USP38: variants seen among roughly 807,000 people sequenced by gnomAD.
The protein encoded by USP38 is ubiquitin carboxyl-terminal hydrolase 38.
In USP38, 49 loss-of-function variants were observed where a neutral mutation model predicts 94.3. That is an observed-to-expected ratio of 0.52 (90% CI 0.41 to 0.66). USP38 has a LOEUF of 0.66. Among genes scored for constraint, USP38 ranks in the 30% least tolerant of loss-of-function variants. USP38 has a pLI of 0.00. For synonymous variants in USP38, 468 were observed against 463.6 expected, an observed-to-expected ratio of 1.01 and a Z score of -0.12; for missense variants, 1,128 against 1,229.4, an observed-to-expected ratio of 0.92 and a Z score of 1.23.
chr4:143,185,295 C>G lies in USP38; in HGVS notation c.-156C>G. 1.2e-6 allele frequency: 1 copy of G among 804,046 alleles called. No individual in the cohort carries two copies. The highest frequency in any genetic ancestry group is 2.7e-5 in the East Asian group (1 of 36,846). The allele number at this position is 804,046 out of a possible 1,614,324, so 49.8% of individuals were successfully genotyped here. A position where few individuals can be genotyped will look rare whatever the true frequency, so the allele number is the denominator to read the frequency against. On this transcript the variant is annotated 5_prime_UTR_variant, in exon 1 of 10. Coordinates refer to ENST00000307017, the MANE Select transcript of USP38 (RefSeq NM_032557.6). ...CCGGCTTGGATGGGTCTCCCTGCGC[C>G]ATAAATGTGGCTGCTGAGGCGGCGG... is the stretch of plus-strand genomic sequence containing the variant.
Position 143,186,107 on chromosome 4 carries a change from A to G in USP38, c.657A>G (p.Glu219=). The change falls in exon 1 of 10, where the codon GAA becomes GAG. Residue 219 remains glutamate, a synonymous_variant. Coordinates refer to ENST00000307017, the MANE Select transcript of USP38 (RefSeq NM_032557.6). ...CCACACTACTGCCTTCCCTGCAAGA[A>G]GTTTTTGCAAGCATCTCTTCCACAG... is the stretch of plus-strand genomic sequence containing the variant. ...EPATLLPSLQ[E]VFASISSTDA... 2 of 1,614,108 alleles carry G rather than the reference A, an allele frequency of 1.2e-6. No homozygotes were observed. Among genetic ancestry groups the G allele is most frequent in the Non-Finnish European group, 1.7e-6 (2 of 1,179,984 alleles).
At chr4:143,196,942 T>A (rs1731566198) in intron 3 of USP38, among the ~76,000 whole-genome samples, 1 of 152,172 alleles carries the variant, frequency 6.6e-6, no homozygotes, top group Non-Finnish European at 1.5e-5. Flanking sequence ...ATACCACCTT[T>A]AGAATATATC....
chr4:143,209,198 T>C (rs926812334), intron 6 of USP38, among the ~76,000 whole-genome samples: 18 of 152,218 alleles, frequency 1.2e-4, no homozygotes, highest in African/African-American at 7.2e-5. Context: ...TAACAGGCTT[T>C]ATAGTAAATG....
In USP38 at chr4:143,213,920, C is replaced by G; in HGVS notation, c.1944C>G (p.Ala648=). 1.2e-6 allele frequency: 2 copies of G among 1,613,814 alleles called. No individual in the cohort carries two copies. The highest frequency in any genetic ancestry group is 1.7e-6 in the Non-Finnish European group (2 of 1,179,834). The part of the protein sequence containing the change: ...PSIQDGGLMQ[A]SVPGPSEEPV... Reference sequence around the variant, plus strand: ...TACAAGATGGTGGTCTAATGCAAGCCTCTGTACCCGGTCCTTCAGAAGAAC... The same window carrying G: ...TACAAGATGGTGGTCTAATGCAAGCGTCTGTACCCGGTCCTTCAGAAGAAC... Residue 648 remains alanine, a synonymous_variant, in exon 9 of 10, where the codon GCC becomes GCG. Transcript: ENST00000307017.
Position 143,223,128 on chromosome 4 carries a change from C to G in USP38, c.*2672C>G, listed in dbSNP as rs908162623. ...AGAAGGAAATATATATGATGTCACA[C>G]AAGCTCCAGTAAGCTATCCACTAAG... On this transcript the variant is annotated 3_prime_UTR_variant, in exon 10 of 10. Coordinates refer to ENST00000307017, the MANE Select transcript of USP38 (RefSeq NM_032557.6). 1.3e-5 allele frequency: 2 copies of G among 152,128 alleles called. No individual in the cohort carries two copies. Among genetic ancestry groups the G allele is most frequent in the Non-Finnish European group, 2.9e-5 (2 of 67,986 alleles). The allele number at this position is 152,128 out of a possible 1,614,324, so 9.4% of individuals were successfully genotyped here. A position where few individuals can be genotyped will look rare whatever the true frequency, so the allele number is the denominator to read the frequency against.
In USP38 at chr4:143,219,070, A is replaced by C. The variant is rs145942619; in HGVS notation, c.2968-1225A>C. Among the ~76,000 whole-genome samples the C allele has an allele frequency of 1.2e-3, 189 of 152,256 alleles. 2 individuals are homozygous for C. In the East Asian group the frequency reaches 0.029, roughly 23 times the overall value. On this transcript the variant is annotated intron_variant, in intron 9 of 9. Coordinates refer to ENST00000307017, the MANE Select transcript of USP38 (RefSeq NM_032557.6). ...ATTATACCAAAGAGCCAGCAATTTT[A>C]AATGTTGTAAATGACACTGTAGATC...
chr4:143,199,290 C>G (rs1467332507), intron 4 of USP38, among the ~76,000 whole-genome samples: 2 of 152,086 alleles, frequency 1.3e-5, no homozygotes, highest in African/African-American at 4.8e-5. Flanking sequence ...GCCTCGCCCT[C>G]CATCCGTGTT....
Position 143,214,433 on chromosome 4 carries a change from C to A in USP38, c.2457C>A (p.Asn819Lys). 1 of 1,613,682 alleles carries A rather than the reference C, an allele frequency of 6.2e-7. No individual in the cohort carries two copies. Among genetic ancestry groups the A allele is most frequent in the Non-Finnish European group, 8.5e-7 (1 of 1,179,820 alleles). ...VDVDFTDLSE[N>K]LAKKLKPSGT... is the part of the protein sequence containing the mutation. ...TTGACTTCACTGATCTTAGTGAGAA[C>A]CTTGCTAAAAAATTAAAGCCTTCAG... is the stretch of plus-strand genomic sequence containing the variant. The change falls in exon 9 of 10, where the codon AAC (asparagine) becomes AAA (lysine). Residue 819 changes from asparagine (N) to lysine (K), a missense_variant. Asn to Lys is a moderately conservative substitution (Grantham distance 94, BLOSUM62 0). Transcript: ENST00000307017.
At chr4:143,189,024 T>A (rs980181919) in intron 2 of USP38, among the ~76,000 whole-genome samples, 48 of 151,914 alleles carry the variant, frequency 3.2e-4, no homozygotes, top group African/African-American at 1.1e-3. Flanking sequence ...GTGATACATG[T>A]TTGAAAAAAA....
chr4:143,188,964 T>C (rs1444699453), intron 2 of USP38, among the ~76,000 whole-genome samples: 1 of 152,036 alleles, frequency 6.6e-6, no homozygotes, highest in African/African-American at 2.4e-5. Flanking sequence ...ATTGGTTTTG[T>C]TTTAGATTTG....
intron 3 of USP38, 62 bp downstream of exon 3, chr4:143,195,907 T>G: frequency 6.9e-7 from 1 of 1,439,254 alleles, no homozygotes; most frequent in Non-Finnish European, 9.3e-7. Context: ...ATTTTTTTCT[T>G]TGGGTGGTAT....
At chr4:143,208,388 A>G (rs887667804) in intron 6 of USP38, among the ~76,000 whole-genome samples, 1 of 152,122 alleles carries the variant, frequency 6.6e-6, no homozygotes, top group Non-Finnish European at 1.5e-5. Context: ...AATATTTTCC[A>G]TATCTTTGAA....
In USP38 at chr4:143,214,218, G is replaced by A; in HGVS notation, c.2242G>A (p.Ala748Thr). The A allele has an allele frequency of 6.2e-7, 1 of 1,613,630 alleles. No homozygotes were observed. The change falls in exon 9 of 10, where the codon GCT becomes ACT. Residue 748 changes from alanine (A) to threonine (T), a missense_variant. By Grantham distance (58) the Ala-to-Thr change is moderately conservative. Coordinates refer to ENST00000307017, the MANE Select transcript of USP38 (RefSeq NM_032557.6). ...TGAAAACTGTGCCTCTCTGCAAAAT[G>A]CTGAGAAAACTATGCAAATCACGGA... ...YCENCASLQN[A>T]EKTMQITEEP...
rs570431321 is a variant in USP38, at chr4:143,184,961, C to T, written c.-490C>T. 88 of 154,528 alleles carry T rather than the reference C, an allele frequency of 5.7e-4. No individual in the cohort carries two copies. The South Asian group carries it at 0.017, about 30-fold the overall frequency. The allele number at this position is 154,528 out of a possible 1,614,324, so 9.6% of individuals were successfully genotyped here. A position where few individuals can be genotyped will look rare whatever the true frequency, so the allele number is the denominator to read the frequency against. On this transcript the variant is annotated 5_prime_UTR_variant, in exon 1 of 10. Transcript: ENST00000307017. ...AGGGTGTCGCTTCGGTCTCTTCTCC[C>T]CGGCTGATCCCAGCACTCTCCGTGA...
Position 143,223,418 on chromosome 4 carries a change from T to TTAA in USP38, c.*2964_*2966dup, listed in dbSNP as rs1428567532. 3.9e-5 allele frequency: 6 copies of TTAA among 152,138 alleles called. No homozygotes were observed. The highest frequency in any genetic ancestry group is 8.8e-5 in the Non-Finnish European group (6 of 67,994). 9.4% of individuals were successfully genotyped at this position (152,138 alleles called of 1,614,324 possible). A position where few individuals can be genotyped will look rare whatever the true frequency, so the allele number is the denominator to read the frequency against. ...CGAAAGGTTCAAACAGCCTATTACATTAATGCACATGTGGAAAGAACAAAA... is the reference window on the plus strand; with the variant it reads ...CGAAAGGTTCAAACAGCCTATTACATTAATAATGCACATGTGGAAAGAACAAAA... On this transcript the variant is annotated 3_prime_UTR_variant, in exon 10 of 10. Coordinates refer to ENST00000307017, the MANE Select transcript of USP38 (RefSeq NM_032557.6).
At chr4:143,212,653 G>A (rs1424407360) in intron 8 of USP38, among the ~76,000 whole-genome samples, 1 of 151,924 alleles carries the variant, frequency 6.6e-6, no homozygotes, top group Non-Finnish European at 1.5e-5. Flanking sequence ...GACCCCTGCG[G>A]GTTCCCAAAA....
chr4:143,216,251 CTTT>C (rs941474006), intron 9 of USP38, among the ~76,000 whole-genome samples: 2 of 152,004 alleles, frequency 1.3e-5, no homozygotes, highest in African/African-American at 4.8e-5. Flanking sequence ...TCGTATGTTA[CTTT>C]ATTATAAAGA....
At chr4:143,204,123 AG>A (rs1403275167) in intron 5 of USP38, among the ~76,000 whole-genome samples, 1 of 152,076 alleles carries the variant, frequency 6.6e-6, no homozygotes, top group Non-Finnish European at 1.5e-5. Context: ...CTGGGACTAC[AG>A]GCACCTGCCA....
rs1731898663 is a variant in USP38, at chr4:143,207,386, A to G, written c.1403+1160A>G. Among the ~76,000 whole-genome samples the G allele has an allele frequency of 3.3e-5, 5 of 152,298 alleles. No homozygotes were observed. The South Asian group carries it at 6.2e-4, about 19-fold the overall frequency. On this transcript the variant is annotated intron_variant, in intron 6 of 9. Coordinates refer to ENST00000307017, the MANE Select transcript of USP38 (RefSeq NM_032557.6). The stretch of plus-strand genomic sequence containing the variant: ...AACCCCGTCTCTACTAAAAATACAA[A>G]AATTAGCCAGGCATGGTGATGTGTG...
Sources: gnomAD v4.1 joint callset for allele counts (sites outside exome capture counted in the v4.1 genomes callset) on GRCh38, gnomAD v4.1.1 for gene constraint, MANE v1.5 for transcripts, NCBI Gene and HGNC (gene_info 2026-07-23, HGNC 2026-07-21) for gene names.